The following KIAA0319L variants were observed in gnomAD, a reference collection of about 807,000 sequenced individuals.
KIAA0319L encodes the protein dyslexia-associated protein KIAA0319-like protein.
Under a neutral mutation model 120.1 loss-of-function variants are expected in KIAA0319L, and 55 were observed. That is an observed-to-expected ratio of 0.46 (90% CI 0.37 to 0.57). The LOEUF (loss-of-function observed/expected upper bound fraction) is 0.57, where lower values mean the gene tolerates loss of function less well. Ranked by LOEUF, KIAA0319L falls within the 20% of genes least tolerant of loss-of-function variation. KIAA0319L has a pLI of 0.00. For missense variants in KIAA0319L, 1,049 were observed against 1,255.3 expected (o/e 0.84, Z 2.48); for synonymous variants, 398 against 471.9 (o/e 0.84, Z 2.03).
intron 16 of KIAA0319L, among the ~76,000 whole-genome samples, chr1:35,446,902 G>A (rs1484984007): frequency 6.6e-6 from 1 of 151,932 alleles, no homozygotes; most frequent in East Asian, 1.9e-4. Flanking sequence ...GCTATCTGAC[G>A]GAACATCTCC....
At chr1:35,534,808 G>A (rs1646505433) in intron 2 of KIAA0319L, among the ~76,000 whole-genome samples, 2 of 140,836 alleles carry the variant, frequency 1.4e-5, no homozygotes, top group Admixed American at 7.6e-5. Context: ...GCAGTGAGAC[G>A]AGATCGGGCC....
At chr1:35,552,378 C>T (rs1350454355) in intron 2 of KIAA0319L, among the ~76,000 whole-genome samples, 1 of 151,996 alleles carries the variant, frequency 6.6e-6, no homozygotes, top group Non-Finnish European at 1.5e-5. Flanking sequence ...CAAAACATCC[C>T]CTATGGTTGG....
At chr1:35,530,503 GT>G in intron 2 of KIAA0319L, among the ~76,000 whole-genome samples, 1 of 151,782 alleles carries the variant, frequency 6.6e-6, no homozygotes, top group African/African-American at 2.4e-5. Context: ...TGATTTCTTT[GT>G]GTTGTTTATC....
intron 3 of KIAA0319L, among the ~76,000 whole-genome samples, chr1:35,496,938 T>C (rs1446564883): frequency 5.7e-5 from 7 of 123,054 alleles, no homozygotes; most frequent in East Asian, 2.5e-4. Flanking sequence ...CAGAGTGAGA[T>C]TGTGTCTCCA....
intron 3 of KIAA0319L, among the ~76,000 whole-genome samples, chr1:35,498,336 G>A (rs11264163): frequency 0.027 from 4,005 of 149,988 alleles, 216 homozygotes; most frequent in East Asian, 0.24. Flanking sequence ...TCCCATCTCG[G>A]GAAAAAAAAA....
At chr1:35,541,884 C>T (rs1646808400) in intron 2 of KIAA0319L, among the ~76,000 whole-genome samples, 1 of 152,118 alleles carries the variant, frequency 6.6e-6, no homozygotes, top group Non-Finnish European at 1.5e-5. Context: ...AACAAGTGGC[C>T]CATCATGCTC....
At chr1:35,502,597 C>T (rs1205516847) in intron 3 of KIAA0319L, among the ~76,000 whole-genome samples, 1 of 152,148 alleles carries the variant, frequency 6.6e-6, no homozygotes, top group Admixed American at 6.5e-5. Flanking sequence ...CCCTCTTCCA[C>T]AGCTCACCCT....
At chr1:35,530,037 T>C (rs566633548) in intron 2 of KIAA0319L, among the ~76,000 whole-genome samples, 1 of 151,950 alleles carries the variant, frequency 6.6e-6, no homozygotes, top group Non-Finnish European at 1.5e-5. Context: ...GTCTTCAAGT[T>C]CTGAAATTAT....
At chr1:35,551,381 G>A (rs1042037932) in intron 2 of KIAA0319L, among the ~76,000 whole-genome samples, 23 of 151,948 alleles carry the variant, frequency 1.5e-4, no homozygotes, top group Non-Finnish European at 2.9e-5. Flanking sequence ...GCTGTGGTGC[G>A]GTCTTGATTC....
At position 35,453,818 on chromosome 1, in the gene KIAA0319L, G is replaced by A; in HGVS notation, c.1781-129C>T. 2.3e-6 allele frequency: 2 copies of A among 853,838 alleles called. No homozygotes were observed. The highest frequency in any genetic ancestry group is 6.0e-5 in the Admixed American group (2 of 33,314). The allele number at this position is 853,838 out of a possible 1,614,324, so 52.9% of individuals were successfully genotyped here. ...GCCACAGAACTGTCAGATACTGTGG[G>A]AGATGTGGTTACCGTCAGGGAGCAC... is the stretch of plus-strand genomic sequence containing the variant. On this transcript the variant is annotated intron_variant, in intron 11 of 20. Transcript: ENST00000325722. The surrounding 1 kb of genome is among the most constrained non-coding windows in gnomAD (Gnocchi z 4.1).
chr1:35,481,727 C>T (rs1453010527), intron 3 of KIAA0319L, among the ~76,000 whole-genome samples: 1 of 151,352 alleles, frequency 6.6e-6, no homozygotes, highest in Non-Finnish European at 1.5e-5. Flanking sequence ...TACAATCAAG[C>T]TAATGCATAT....
chr1:35,521,012 CAACTT>C (rs1229761122), intron 2 of KIAA0319L, among the ~76,000 whole-genome samples: 1 of 152,158 alleles, frequency 6.6e-6, no homozygotes, highest in Non-Finnish European at 1.5e-5. Flanking sequence ...TAATTGGAAA[CAACTT>C]AAACATTCAT....
At chr1:35,496,157 C>T (rs557770457) in intron 3 of KIAA0319L, among the ~76,000 whole-genome samples, 10 of 152,024 alleles carry the variant, frequency 6.6e-5, no homozygotes, top group Admixed American at 5.2e-4. Flanking sequence ...TGGTGGCTCA[C>T]GCCTGTAATC....
chr1:35,440,851 C>T lies in KIAA0319L; in HGVS notation c.2962+196G>A, dbSNP rs545357266. 7.3e-4 allele frequency: 430 copies of T among 588,658 alleles called. 3 individuals are homozygous for T. The East Asian group carries it at 0.012, about 16-fold the overall frequency. 36.5% of individuals were successfully genotyped at this position (588,658 alleles called of 1,614,324 possible). A position where few individuals can be genotyped will look rare whatever the true frequency, so the allele number is the denominator to read the frequency against. The stretch of plus-strand genomic sequence containing the variant: ...ACCCCCGCCAAGCGGAAGTAGCACG[C>T]GAAGTGGGTCCTGGAGGCATTTTGT... On this transcript the variant is annotated intron_variant, in intron 20 of 20. Coordinates refer to ENST00000325722, the MANE Select transcript of KIAA0319L (RefSeq NM_024874.5).
intron 5 of KIAA0319L, among the ~76,000 whole-genome samples, chr1:35,474,202 T>C (rs908665886): frequency 1.3e-5 from 2 of 152,208 alleles, no homozygotes; most frequent in Non-Finnish European, 2.9e-5. Flanking sequence ...TGAGAGGTAC[T>C]ATATAATGTA....
intron 19 of KIAA0319L, among the ~76,000 whole-genome samples, chr1:35,441,617 G>GT (rs1200764853): frequency 2.6e-5 from 4 of 151,986 alleles, no homozygotes; most frequent in Non-Finnish European, 4.4e-5. Flanking sequence ...CTGAGCCTAA[G>GT]TTTTTTTATC....
chr1:35,462,707 C>T lies in KIAA0319L; in HGVS notation c.1208G>A (p.Arg403His), dbSNP rs374148549. ...AATAGCAATGGGGGGCCGATTCTTA[C>T]GGGGCTCTGCAAGAAAGTGACCCAA... ...YVNVTVKPEP[R>H]KNRPPIAIVS... Residue 403 changes from arginine to histidine, a missense_variant, in exon 8 of 21, where the codon CGT (arginine) becomes CAT (histidine). Transcript: ENST00000325722. 62 of 1,613,558 alleles carry T rather than the reference C, an allele frequency of 3.8e-5. No homozygotes were observed. Among genetic ancestry groups the T allele is most frequent in the South Asian group, 1.3e-4 (12 of 91,064 alleles).
chr1:35,516,815 C>T (rs1030631691), intron 2 of KIAA0319L, among the ~76,000 whole-genome samples: 10 of 152,258 alleles, frequency 6.6e-5, no homozygotes, highest in Middle Eastern at 3.4e-3. Flanking sequence ...CCCACAGTCT[C>T]GGCCCAAAAG....
intron 3 of KIAA0319L, among the ~76,000 whole-genome samples, chr1:35,489,102 G>A (rs1644495775): frequency 6.6e-6 from 1 of 152,110 alleles, no homozygotes; most frequent in Non-Finnish European, 1.5e-5. Context: ...ATTTAGGAGA[G>A]CATCTGGGTC....
Sources: gnomAD v4.1 joint callset for allele counts (sites outside exome capture counted in the v4.1 genomes callset) on GRCh38, gnomAD v4.1.1 for gene constraint, Gnocchi (gnomAD v3.1) non-coding constraint, MANE v1.5 for transcripts, NCBI Gene and HGNC (gene_info 2026-07-23, HGNC 2026-07-21) for gene names.